Variants in ADAP2 observed in about 807,000 individuals in gnomAD.
ADAP2 encodes the protein ArfGAP with dual PH domains 2, also known as arf-GAP with dual PH domain-containing protein 2.
A neutral mutation model predicts 54.9 loss-of-function variants in ADAP2; 42 were observed. That is an observed-to-expected ratio of 0.77 (90% CI 0.60 to 0.99). The LOEUF (loss-of-function observed/expected upper bound fraction) is 0.99, where lower values mean the gene tolerates loss of function less well. Among genes scored for constraint, ADAP2 ranks in the 50% least tolerant of loss-of-function variants. The pLI is 0.00. For synonymous variants in ADAP2, 177 were observed against 180.1 expected, an observed-to-expected ratio of 0.98 and a Z score of 0.14; for missense variants, 429 against 480.4, an observed-to-expected ratio of 0.89 and a Z score of 1.00.
chr17:30,953,160 T>C, intron 7 of ADAP2, 128 bp from the exon 8 acceptor site: 1 of 766,882 alleles, frequency 1.3e-6, no homozygotes, highest in East Asian at 2.6e-5. Context: ...TTTCCAAATA[T>C]AATACTGTGA....
In ADAP2 at chr17:30,945,636, G is replaced by C. The variant is rs143954690; in HGVS notation, c.657+583G>C. 2.1e-3 allele frequency among the ~76,000 whole-genome samples: 321 copies of C among 152,012 alleles called. 2 individuals carry two copies. The highest frequency in any genetic ancestry group is 7.5e-3 in the African/African-American group (313 of 41,478). ...CTAAGCATGGTGGCATGCACCTGTA[G>C]TCCCAACTACTTGGGAGGCTGAGGT... On this transcript the variant is annotated intron_variant, in intron 6 of 10. Transcript: ENST00000330889.
At chr17:30,930,103 G>T (rs1221872697) in intron 3 of ADAP2, among the ~76,000 whole-genome samples, 1 of 150,310 alleles carries the variant, frequency 6.7e-6, no homozygotes, top group Non-Finnish European at 1.5e-5. Context: ...ACAGAGTCTT[G>T]CTCTTTCACC....
At chr17:30,947,448 G>A (rs1249665798) in intron 6 of ADAP2, among the ~76,000 whole-genome samples, 2 of 152,104 alleles carry the variant, frequency 1.3e-5, no homozygotes, top group African/African-American at 4.8e-5. Flanking sequence ...CCACCTCCCA[G>A]GTTAAAGCAA....
At chr17:30,956,020 A>G (rs780407553) in intron 9 of ADAP2, among the ~76,000 whole-genome samples, 4 of 152,188 alleles carry the variant, frequency 2.6e-5, no homozygotes, top group Non-Finnish European at 4.4e-5. Context: ...TGCTAGGATT[A>G]CAGGCATGAA....
intron 7 of ADAP2, among the ~76,000 whole-genome samples, chr17:30,950,758 G>C (rs1415992122): frequency 6.6e-6 from 1 of 152,208 alleles, no homozygotes; most frequent in Non-Finnish European, 1.5e-5. Context: ...GCCCGAGTCA[G>C]AGCCCTTGAG....
intron 2 of ADAP2, among the ~76,000 whole-genome samples, chr17:30,926,428 G>A (rs980180035): frequency 6.6e-6 from 1 of 152,214 alleles, no homozygotes; most frequent in Non-Finnish European, 1.5e-5. Flanking sequence ...CTGGCCATCT[G>A]TGGAAGGCAT....
chr17:30,935,076 A>C (rs890376749), intron 5 of ADAP2, among the ~76,000 whole-genome samples: 1 of 152,102 alleles, frequency 6.6e-6, no homozygotes, highest in Admixed American at 6.6e-5. Context: ...AAACAAAAAC[A>C]AAAACAAAAA....
At chr17:30,934,109 G>A in intron 4 of ADAP2, 76 bp from the exon 5 acceptor site, 1 of 1,105,448 alleles carries the variant, frequency 9.0e-7, no homozygotes, top group Non-Finnish European at 1.3e-6. Flanking sequence ...CCACCCTTGA[G>A]AACCTCAGAG....
At chr17:30,934,560 T>G (rs1381270378) in intron 5 of ADAP2, among the ~76,000 whole-genome samples, 1 of 152,218 alleles carries the variant, frequency 6.6e-6, no homozygotes, top group African/African-American at 2.4e-5. Flanking sequence ...ATTCATTCAC[T>G]TAAGAAACAT....
chr17:30,926,938 G>C lies in ADAP2; in HGVS notation c.317+20G>C, dbSNP rs1311523770. 2 of 1,586,910 alleles carry C rather than the reference G, an allele frequency of 1.3e-6. No homozygotes were observed. The highest frequency in any genetic ancestry group is 1.3e-5 in the African/African-American group (1 of 74,292). On this transcript the variant is annotated intron_variant, in intron 3 of 10. Transcript: ENST00000330889. ...CTGCCTGTGAGTGGGTGATTCCTTA[G>C]GGACTGGGTGAGGGGTCTGTCCTGG... is the stretch of plus-strand genomic sequence containing the variant.
chr17:30,928,406 G>A (rs900478304), intron 3 of ADAP2, among the ~76,000 whole-genome samples: 1 of 151,522 alleles, frequency 6.6e-6, no homozygotes, highest in African/African-American at 2.4e-5. Context: ...TGAGGGAGGA[G>A]AATCGCTTGA....
intron 2 of ADAP2, among the ~76,000 whole-genome samples, chr17:30,923,741 C>T (rs1415695746): frequency 3.6e-5 from 5 of 140,166 alleles, no homozygotes; most frequent in African/African-American, 1.3e-4. Context: ...ACTCTTGTCG[C>T]CCAGGCTGGA....
chr17:30,954,561 A>G lies in ADAP2; in HGVS notation c.882+6A>G, dbSNP rs1904919879. ...TCTATTACAAGAACCCACTGGTAAG[A>G]GCCACTCCTGCTCCCTCCCCAGGGC... is the stretch of plus-strand genomic sequence containing the variant. On this transcript the variant is annotated splice_donor_region_variant and intron_variant, in intron 9 of 10. Transcript: ENST00000330889. 1 of 1,613,386 alleles carries G rather than the reference A, an allele frequency of 6.2e-7. No homozygotes were observed. The highest frequency in any genetic ancestry group is 8.5e-7 in the Non-Finnish European group (1 of 1,179,296).
chr17:30,923,149 A>C (rs1910768382), intron 2 of ADAP2, 79 bp downstream of exon 2: 1 of 1,538,528 alleles, frequency 6.5e-7, no homozygotes, highest in Non-Finnish European at 8.9e-7. Context: ...CCCATTCTAC[A>C]GAGGGGGAAA....
intron 2 of ADAP2, among the ~76,000 whole-genome samples, chr17:30,924,372 A>C (rs925743393): frequency 1.4e-5 from 2 of 140,742 alleles, no homozygotes; most frequent in African/African-American, 5.6e-5. Context: ...CCCTACCTCA[A>C]AAAAAAAAAA....
At chr17:30,953,230 C>A in intron 7 of ADAP2, 58 bp from the exon 8 acceptor site, 1 of 1,568,512 alleles carries the variant, frequency 6.4e-7, no homozygotes, top group Non-Finnish European at 8.8e-7. Context: ...CCAAGCTCGG[C>A]GGGAACCTGG....
chr17:30,946,297 A>G (rs1567723533), intron 6 of ADAP2, among the ~76,000 whole-genome samples: 1 of 151,852 alleles, frequency 6.6e-6, no homozygotes, highest in East Asian at 1.9e-4. Flanking sequence ...CAGTGGCGTG[A>G]TCTCGGCTCA....
At chr17:30,937,154 G>A (rs1208147953) in intron 5 of ADAP2, among the ~76,000 whole-genome samples, 2 of 151,698 alleles carry the variant, frequency 1.3e-5, no homozygotes, top group South Asian at 2.1e-4. Flanking sequence ...TTGAATTTCC[G>A]ACCTCGTGAT....
chr17:30,948,437 G>C (rs1904333127), intron 6 of ADAP2, among the ~76,000 whole-genome samples: 1 of 152,030 alleles, frequency 6.6e-6, no homozygotes, highest in Non-Finnish European at 1.5e-5. Context: ...CCGTGTGGTG[G>C]TGGGCGCCTG....
Sources: allele counts gnomAD v4.1 joint callset (sites outside exome capture counted in the v4.1 genomes callset), GRCh38; gene constraint gnomAD v4.1.1; transcripts MANE v1.5; gene names NCBI Gene and HGNC (gene_info 2026-07-23, HGNC 2026-07-21).